The following DDAH1 variants were observed in gnomAD, a reference collection of about 807,000 sequenced individuals.
DDAH1 encodes the protein dimethylarginine dimethylaminohydrolase 1.
In DDAH1, 19 loss-of-function variants were observed where a neutral mutation model predicts 28.8. The observed-to-expected ratio is 0.66, with a 90% CI of 0.46 to 0.97. DDAH1 has a LOEUF of 0.97. Ranked by LOEUF, DDAH1 falls within the 50% of genes least tolerant of loss-of-function variation. The probability of loss-of-function intolerance (pLI) is 0.00; values close to 1 mark genes in which losing one functional copy is unlikely to be tolerated. For synonymous variants in DDAH1, 153 were observed against 154.4 expected, an observed-to-expected ratio of 0.99 and a Z score of 0.07; for missense variants, 326 against 375.9, an observed-to-expected ratio of 0.87 and a Z score of 1.10.
intron 1 of DDAH1, among the ~76,000 whole-genome samples, chr1:85,433,253 G>A (rs1653782501): frequency 6.6e-6 from 1 of 152,126 alleles, no homozygotes; most frequent in Non-Finnish European, 1.5e-5. Flanking sequence ...GACCTGGCAA[G>A]GGACTCAGGC....
intron 1 of DDAH1, among the ~76,000 whole-genome samples, chr1:85,535,270 T>C (rs1324496905): frequency 1.3e-5 from 2 of 151,158 alleles, no homozygotes; most frequent in African/African-American, 4.9e-5. Flanking sequence ...AAACCAGACA[T>C]GAAAATCTAT....
chr1:85,366,092 G>C (rs567211834), intron 1 of DDAH1, among the ~76,000 whole-genome samples: 24 of 148,846 alleles, frequency 1.6e-4, no homozygotes, highest in Admixed American at 1.3e-3. Flanking sequence ...TCGGCTGATA[G>C]CTGGTAAAAA....
chr1:85,524,142 G>A (rs533007164), intron 1 of DDAH1, among the ~76,000 whole-genome samples: 54 of 152,240 alleles, frequency 3.5e-4, no homozygotes, highest in African/African-American at 1.3e-3. Context: ...GTAGCTTACA[G>A]GTTAATGGGG....
At chr1:85,457,327 T>A (rs1323048911) in intron 1 of DDAH1, among the ~76,000 whole-genome samples, 1 of 152,192 alleles carries the variant, frequency 6.6e-6, no homozygotes, top group African/African-American at 2.4e-5. Flanking sequence ...TAATCGCTCC[T>A]TCTGGGAAGC....
chr1:85,577,852 G>T (rs980134706), intron 1 of DDAH1: 4 of 459,670 alleles, frequency 8.7e-6, no homozygotes, highest in African/African-American at 2.1e-5. Context: ...CCCCTTCTCC[G>T]TGGATTGCAA....
chr1:85,410,932 G>T (rs764927077), intron 1 of DDAH1, among the ~76,000 whole-genome samples: 5 of 152,180 alleles, frequency 3.3e-5, no homozygotes, highest in Non-Finnish European at 5.9e-5. Context: ...GACAGGTGTG[G>T]GAAAGAGGGA....
At chr1:85,381,932 G>A (rs796217836) in intron 1 of DDAH1, among the ~76,000 whole-genome samples, 29 of 152,212 alleles carry the variant, frequency 1.9e-4, no homozygotes, top group African/African-American at 6.0e-4. Flanking sequence ...GTTTGTTTCC[G>A]TCACTCCCTC....
chr1:85,427,757 T>A (rs1653479620), intron 1 of DDAH1, among the ~76,000 whole-genome samples: 1 of 152,192 alleles, frequency 6.6e-6, no homozygotes, highest in Non-Finnish European at 1.5e-5. Flanking sequence ...AAAACTTGCA[T>A]TAGGAGCCCC....
At chr1:85,440,636 C>T (rs1318615302) in intron 1 of DDAH1, among the ~76,000 whole-genome samples, 1 of 152,160 alleles carries the variant, frequency 6.6e-6, no homozygotes, top group African/African-American at 2.4e-5. Flanking sequence ...CAGAAATACC[C>T]AGGGGCTTTG....
chr1:85,415,398 T>C (rs1025119111), intron 1 of DDAH1, among the ~76,000 whole-genome samples: 2 of 152,052 alleles, frequency 1.3e-5, no homozygotes, highest in Non-Finnish European at 2.9e-5. Context: ...TAAAATCTTG[T>C]ACACTTTACA....
At chr1:85,501,299 A>T (rs1656810248) in intron 1 of DDAH1, among the ~76,000 whole-genome samples, 1 of 152,062 alleles carries the variant, frequency 6.6e-6, no homozygotes, top group Admixed American at 6.6e-5. Context: ...CCCTCCTCCT[A>T]CCGCCTGGCC....
intron 5 of DDAH1, among the ~76,000 whole-genome samples, chr1:85,321,842 A>G (rs1040997433): frequency 3.4e-4 from 51 of 152,158 alleles, no homozygotes; most frequent in African/African-American, 1.2e-3. Context: ...TCATTGCTAG[A>G]TTAAGTGGTA....
chr1:85,418,682 G>A (rs61783046), intron 1 of DDAH1, among the ~76,000 whole-genome samples: 41,288 of 152,084 alleles, frequency 0.27, 5,727 homozygotes, highest in Middle Eastern at 0.3. Context: ...GCATCTCTTC[G>A]GATGTTGGAA....
intron 1 of DDAH1, among the ~76,000 whole-genome samples, chr1:85,431,951 T>C (rs555618902): frequency 1.3e-5 from 2 of 152,166 alleles, no homozygotes; most frequent in Non-Finnish European, 2.9e-5. Flanking sequence ...TATGCTAACA[T>C]ACCAAATGAG....
Position 85,374,603 on chromosome 1 carries a change from A to G in DDAH1, c.304-15756T>C, listed in dbSNP as rs1169002585. On this transcript the variant is annotated intron_variant, in intron 1 of 5. Coordinates refer to ENST00000284031, the MANE Select transcript of DDAH1 (RefSeq NM_012137.4). ...TATAGATAAGTCAAATAGAACCATT[A>G]AAAATCTTTGTAATCCCAACACCCA... 3.9e-5 allele frequency among the ~76,000 whole-genome samples: 6 copies of G among 152,290 alleles called. No homozygotes were observed. In the East Asian group the frequency reaches 1.2e-3, roughly 29 times the overall value.
At chr1:85,546,762 G>A (rs1341659493) in intron 1 of DDAH1, among the ~76,000 whole-genome samples, 23 of 152,036 alleles carry the variant, frequency 1.5e-4, no homozygotes, top group Admixed American at 1.4e-3. Context: ...AGCTTTATTT[G>A]AGAAATTAAG....
intron 2 of DDAH1, among the ~76,000 whole-genome samples, chr1:85,489,118 T>C (rs1656299750): frequency 6.6e-6 from 1 of 152,160 alleles, no homozygotes; most frequent in Non-Finnish European, 1.5e-5. Flanking sequence ...TCTGAGAAAA[T>C]GTTAGCACAG....
rs1236598369 is a variant in DDAH1 at position 85,383,615 on chromosome 1, T to G, written c.304-24768A>C. 3.3e-5 allele frequency among the ~76,000 whole-genome samples: 5 copies of G among 152,352 alleles called. No individual in the cohort carries two copies. The East Asian group carries it at 9.6e-4, about 29-fold the overall frequency. On this transcript the variant is annotated intron_variant, in intron 1 of 5. Coordinates refer to ENST00000284031, the MANE Select transcript of DDAH1 (RefSeq NM_012137.4). Reference sequence around the variant, plus strand: ...GTGAGTAAAATGCTATCAAACAGCATTGCTTCTTACAGAGAAATGTTTCAT... The same window carrying G: ...GTGAGTAAAATGCTATCAAACAGCAGTGCTTCTTACAGAGAAATGTTTCAT...
chr1:85,394,688 G>C (rs1334958088), intron 1 of DDAH1, among the ~76,000 whole-genome samples: 1 of 152,124 alleles, frequency 6.6e-6, no homozygotes, highest in Non-Finnish European at 1.5e-5. Context: ...TTGAGATAGT[G>C]GCCAGCTTTG....
Sources: gnomAD v4.1 joint callset for allele counts (sites outside exome capture counted in the v4.1 genomes callset) on GRCh38, gnomAD v4.1.1 for gene constraint, MANE v1.5 for transcripts, NCBI Gene and HGNC (gene_info 2026-07-23, HGNC 2026-07-21) for gene names.